The following TTN variants were observed in gnomAD, a reference collection of about 807,000 sequenced individuals.
The protein encoded by TTN is titin, also known as connectin.
Under a neutral mutation model 3,223.0 loss-of-function variants are expected in TTN, and 1,525 were observed. The ratio of observed to expected loss-of-function variants is 0.47; its 90% CI spans 0.45 to 0.49. TTN has a LOEUF of 0.49. Among genes scored for constraint, TTN ranks in the 20% least tolerant of loss-of-function variants. The pLI, the probability that TTN is intolerant of heterozygous loss-of-function variation, is 0.00. For missense variants in TTN, 40,786 were observed against 43,424.0 expected, an observed-to-expected ratio of 0.94 and a Z score of 5.40; for synonymous variants, 14,094 against 15,161.0, an observed-to-expected ratio of 0.93 and a Z score of 5.17.
chr2:178,703,735 A>C (rs2075386427), intron 106 of TTN, among the ~76,000 whole-genome samples: 1 of 152,236 alleles, frequency 6.6e-6, no homozygotes, highest in African/African-American at 2.4e-5. Flanking sequence ...TATGTTATCT[A>C]TATAATTTTG....
intron 243 of TTN, among the ~76,000 whole-genome samples, 196 bp downstream of exon 243, chr2:178,622,474 T>C (rs939927759): frequency 3.9e-5 from 6 of 151,934 alleles, no homozygotes; most frequent in African/African-American, 1.2e-4. Flanking sequence ...TCCAGTGTTT[T>C]TCAAGTAATA....
Position 178,644,594 on chromosome 2 carries a change from A to C in TTN, c.40431T>G (p.Pro13477=). 1.9e-6 allele frequency: 3 copies of C among 1,576,062 alleles called. No individual in the cohort carries two copies. Among genetic ancestry groups the C allele is most frequent in the Non-Finnish European group, 2.6e-6 (3 of 1,164,554 alleles). The change falls in exon 218 of 363, where the codon CCT becomes CCG. Residue 13477 remains proline, a synonymous_variant. Transcript: ENST00000589042. ...CTTTTTCTGGAACCTGAGGTTTTTC[A>C]GGAACTTTCTTCTTTGGAATAGCTT... ...QLKAIPKKKV[P]EKPQVPEKVE... is the part of the protein sequence containing the mutation.
chr2:178,716,488 A>ATTTTTAATACT (rs2077500195), intron 88 of TTN, among the ~76,000 whole-genome samples: 1 of 152,220 alleles, frequency 6.6e-6, no homozygotes, highest in Non-Finnish European at 1.5e-5. Context: ...CTAATGGACT[A>ATTTTTAATACT]GACTAGCAGT....
At chr2:178,760,261 G>A (rs375841506) in intron 43 of TTN, among the ~76,000 whole-genome samples, 34 of 152,304 alleles carry the variant, frequency 2.2e-4, no homozygotes, top group Admixed American at 1.4e-3. Context: ...GCCAGGCGCG[G>A]TGCTTCACAC....
rs1056843681 is a variant in TTN at position 178,626,230 on chromosome 2, A to G, written c.44425-834T>C. Among the ~76,000 whole-genome samples, 7 of 152,114 alleles carry G rather than the reference A, an allele frequency of 4.6e-5. No individual in the cohort carries two copies. In the East Asian group the frequency reaches 1.4e-3, roughly 30 times the overall value. On this transcript the variant is annotated intron_variant, in intron 240 of 362. Coordinates refer to ENST00000589042, the MANE Select transcript of TTN (RefSeq NM_001267550.2). ...GCAATTAAACTTATTTTGCAAACCA[A>G]TTAAACCTGTGATTAAATAATTTGT...
At chr2:178,672,290 A>G in intron 154 of TTN, 23 bp from the exon 155 acceptor site, 3 of 1,600,302 alleles carry the variant, frequency 1.9e-6, no homozygotes, top group Non-Finnish European at 2.6e-6. Context: ...CTATTTTAAG[A>G]CTTATTTTTT....
chr2:178,696,105 C>T lies in TTN; in HGVS notation c.30967G>A (p.Glu10323Lys), dbSNP rs1425322355. ...FIESFEEPYD[E>K]LEVEPYTEPF... ...TCTGTGTATGGTTCTACCTCCAGTT[C>T]GTCATAAGGTTCTTCGAAAGATTCA... is the stretch of plus-strand genomic sequence containing the variant. Residue 10323 changes from glutamate (E) to lysine (K), a missense_variant, in exon 114 of 363, where the codon GAA becomes AAA. Glu to Lys is a moderately conservative substitution (Grantham distance 56, BLOSUM62 1). Transcript: ENST00000589042. 7.7e-6 allele frequency: 12 copies of T among 1,551,252 alleles called. No homozygotes were observed. The highest frequency in any genetic ancestry group is 1.7e-4 in the Middle Eastern group (1 of 6,012).
Position 178,664,920 on chromosome 2 carries a change from T to A in TTN, c.36050A>T (p.Glu12017Val). ...GGCAGGAATAATTTCTTGAGGAGCT[T>A]CGGGCGCTTGAAAGATATTAGCAAT... ...EPETPRMKTP[E>V]APQEIIPAKT... is the part of the protein sequence containing the mutation. The change falls in exon 166 of 363, where the codon GAA (glutamate) becomes GTA (valine). Residue 12017 changes from glutamate to valine, a missense_variant. Transcript: ENST00000589042. 6.2e-7 allele frequency: 1 copy of A among 1,607,476 alleles called. No homozygotes were observed. Among genetic ancestry groups the A allele is most frequent in the South Asian group, 1.1e-5 (1 of 89,954 alleles).
rs771158606 is a variant in TTN at position 178,706,453 on chromosome 2, C to G, written c.29420+1G>C. ...CGATTTGTGGTTTTTATTGAACTCA[C>G]TTTTTCAGCATTGCTCTAAGATCGC... On this transcript the variant is annotated splice_donor_variant, in intron 102 of 362. Transcript: ENST00000589042. LOFTEE classifies it high-confidence loss of function. 6.2e-7 allele frequency: 1 copy of G among 1,607,760 alleles called. No individual in the cohort carries two copies. The highest frequency in any genetic ancestry group is 1.3e-5 in the African/African-American group (1 of 74,728).
At chr2:178,647,043 T>G in intron 215 of TTN, 21 bp downstream of exon 215, 1 of 476,828 alleles carries the variant, frequency 2.1e-6, no homozygotes, top group Non-Finnish European at 2.7e-6. Context: ...AAAAAATGTA[T>G]ATATATATAT....
chr2:178,741,378 C>T lies in TTN; in HGVS notation c.11855G>A (p.Gly3952Glu), dbSNP rs779033634. Residue 3952 changes from glycine (G) to glutamate (E), a missense_variant, in exon 48 of 363, where the codon GGG (glycine) becomes GAG (glutamate). Coordinates refer to ENST00000589042, the MANE Select transcript of TTN (RefSeq NM_001267550.2). The part of the protein sequence containing the change: ...KELKPIRCAQ[G>E]LPAIFEYTVV... ...TGTGTACTCAAAGATGGCAGGAAGC[C>T]CTTGAGCACAGCGAATTGGTTTTAA... The T allele has an allele frequency of 6.8e-6, 11 of 1,613,700 alleles. No homozygotes were observed. In the African/African-American group the frequency reaches 1.3e-4, roughly 20 times the overall value.
Position 178,746,072 on chromosome 2 carries a change from A to G in TTN, c.11312-4151T>C, listed in dbSNP as rs145183384. The G allele has an allele frequency of 4.2e-4, 684 of 1,613,446 alleles. No individual in the cohort carries two copies. The highest frequency in any genetic ancestry group is 5.4e-4 in the Non-Finnish European group (642 of 1,179,564). On this transcript the variant is annotated intron_variant, in intron 47 of 362. Transcript: ENST00000589042. ...GTATGTTGCACTATCAGAAAGACAGACATTTCGAATTTTAAGAGTGTGACT... is the reference window on the plus strand; with the variant it reads ...GTATGTTGCACTATCAGAAAGACAGGCATTTCGAATTTTAAGAGTGTGACT...
chr2:178,587,692 A>T lies in TTN; in HGVS notation c.63617T>A (p.Val21206Asp). The T allele has an allele frequency of 6.2e-7, 1 of 1,612,880 alleles. No individual in the cohort carries two copies. Among genetic ancestry groups the T allele is most frequent in the Non-Finnish European group, 8.5e-7 (1 of 1,179,388 alleles). Residue 21206 changes from valine to aspartate, a missense_variant, in exon 306 of 363, where the codon GTC (valine) becomes GAC (aspartate). Physicochemically the swap from Val to Asp is radical, Grantham distance 152. Transcript: ENST00000589042. ...ATCAATGCCAACTTTTCGCCAAGTG[A>T]CTTTAGGGGCTGGTCGTCCTCTCAC... ...AIVRGRPAPK[V>D]TWRKVGIDNV...
chr2:178,692,719 T>A, intron 119 of TTN, 139 bp from the exon 120 acceptor site: 1 of 604,956 alleles, frequency 1.7e-6, no homozygotes, highest in Non-Finnish European at 2.7e-6. Context: ...TGAGAGTAAA[T>A]GAAGATGGCT....
chr2:178,593,947 T>C lies in TTN; in HGVS notation c.58432+14A>G. Reference sequence around the variant, plus strand: ...AGAACAGAAGATCTATTCTTTCCACTAAATAAGACTTACCAACAACATTAA... The same window carrying C: ...AGAACAGAAGATCTATTCTTTCCACCAAATAAGACTTACCAACAACATTAA... On this transcript the variant is annotated intron_variant, in intron 297 of 362. Coordinates refer to ENST00000589042, the MANE Select transcript of TTN (RefSeq NM_001267550.2). 6.2e-7 allele frequency: 1 copy of C among 1,611,616 alleles called. No homozygotes were observed. The highest frequency in any genetic ancestry group is 8.5e-7 in the Non-Finnish European group (1 of 1,179,240).
chr2:178,640,813 C>T (rs1377512133), intron 220 of TTN, among the ~76,000 whole-genome samples, 183 bp from the exon 221 acceptor site: 1 of 151,364 alleles, frequency 6.6e-6, no homozygotes, highest in Non-Finnish European at 1.5e-5. Flanking sequence ...CCTTTTATTC[C>T]ATCCACTTAT....
rs776598104 is a variant in TTN, at chr2:178,712,323, A to G, written c.27599T>C (p.Leu9200Pro). ...SGKDSCSAQI[L>P]ILEPPYFVKQ... ...GTGCAATCATGACAAACCTAGTATG[A>G]GTATTTGTGCTGAACAGGAATCTTT... Residue 9200 changes from leucine to proline, a missense_variant, in exon 95 of 363, where the codon CTC (leucine) becomes CCC (proline). Coordinates refer to ENST00000589042, the MANE Select transcript of TTN (RefSeq NM_001267550.2). 1.2e-6 allele frequency: 2 copies of G among 1,612,904 alleles called. No individual in the cohort carries two copies. Among genetic ancestry groups the G allele is most frequent in the Non-Finnish European group, 1.7e-6 (2 of 1,179,076 alleles).
Position 178,534,001 on chromosome 2 carries a change from C to T in TTN, c.102614G>A (p.Gly34205Asp), listed in dbSNP as rs367926247. ...ATTGACTACTTTGCATCTGTAGGTACCATCATCTAATTTGGTAATGTCTTT... is the reference window on the plus strand; with the variant it reads ...ATTGACTACTTTGCATCTGTAGGTATCATCATCTAATTTGGTAATGTCTTT... ...YVKDITKLDD[G>D]TYRCKVVNDY... Residue 34205 changes from glycine (G) to aspartate (D), a missense_variant, in exon 358 of 363, where the codon GGT becomes GAT. Coordinates refer to ENST00000589042, the MANE Select transcript of TTN (RefSeq NM_001267550.2). 126 of 1,613,844 alleles carry T rather than the reference C, an allele frequency of 7.8e-5. No individual in the cohort carries two copies. Among genetic ancestry groups the T allele is most frequent in the Non-Finnish European group, 1.1e-4 (124 of 1,179,872 alleles).
Position 178,600,251 on chromosome 2 carries a change from A to C in TTN, c.56051-401T>G, listed in dbSNP as rs1455957174. Among the ~76,000 whole-genome samples, 3 of 151,870 alleles carry C rather than the reference A, an allele frequency of 2.0e-5. No individual in the cohort carries two copies. In the East Asian group the frequency reaches 5.8e-4, roughly 30 times the overall value. ...AGAAGGTGAATTCCCCTTTTAAGAA[A>C]TATAACTGTTAATAAAAGGAAAGCA... On this transcript the variant is annotated intron_variant, in intron 288 of 362. Coordinates refer to ENST00000589042, the MANE Select transcript of TTN (RefSeq NM_001267550.2).
Sources: allele counts gnomAD v4.1 joint callset (sites outside exome capture counted in the v4.1 genomes callset), GRCh38; gene constraint gnomAD v4.1.1; transcripts MANE v1.5; gene names NCBI Gene and HGNC (gene_info 2026-07-23, HGNC 2026-07-21).